PRKRIP1: variants seen among roughly 807,000 people sequenced by gnomAD.
PRKRIP1 encodes PRKR interacting protein 1.
PRKRIP1 carries 29 observed loss-of-function variants against 29.3 expected under a neutral mutation model. The ratio of observed to expected loss-of-function variants is 0.99; its 90% confidence interval spans 0.74 to 1.35. The LOEUF (loss-of-function observed/expected upper bound fraction) is 1.35, where lower values mean the gene tolerates loss of function less well. PRKRIP1 is among the 40% of genes most tolerant of loss of function. The pLI, the probability that PRKRIP1 is intolerant of heterozygous loss-of-function variation, is 0.00. For missense variants in PRKRIP1, 247 were observed against 236.8 expected (o/e 1.04, Z -0.28); for synonymous variants, 90 against 85.1 (o/e 1.06, Z -0.32).
chr7:102,401,119 G>A (rs1563612648), intron 3 of PRKRIP1, among the ~76,000 whole-genome samples: 1 of 152,102 alleles, frequency 6.6e-6, no homozygotes, highest in African/African-American at 2.4e-5. Context: ...GTAGAGCTCT[G>A]GAAGGGAGGA....
chr7:102,421,077 A>G (rs1190926817), intron 5 of PRKRIP1, among the ~76,000 whole-genome samples: 1 of 152,200 alleles, frequency 6.6e-6, no homozygotes, highest in Non-Finnish European at 1.5e-5. Flanking sequence ...GATAATGTTG[A>G]AAACATCAAA....
chr7:102,422,275 A>T (rs1337526180), intron 5 of PRKRIP1, among the ~76,000 whole-genome samples: 1 of 150,544 alleles, frequency 6.6e-6, no homozygotes, highest in African/African-American at 2.4e-5. Context: ...CCCGGGTTCA[A>T]GCGATTCTCC....
At chr7:102,413,399 T>C (rs1414125623) in intron 5 of PRKRIP1, among the ~76,000 whole-genome samples, 1 of 152,198 alleles carries the variant, frequency 6.6e-6, no homozygotes, top group Non-Finnish European at 1.5e-5. Context: ...GTCCTTTGTG[T>C]CTTTGGAAAA....
At chr7:102,408,900 G>A (rs1279667798) in intron 5 of PRKRIP1, among the ~76,000 whole-genome samples, 5 of 152,222 alleles carry the variant, frequency 3.3e-5, no homozygotes, top group Middle Eastern at 6.8e-3. Flanking sequence ...CAGGCCAGGC[G>A]TGGTGGCTCA....
At chr7:102,414,641 T>G (rs1414109163) in intron 5 of PRKRIP1, among the ~76,000 whole-genome samples, 2 of 152,174 alleles carry the variant, frequency 1.3e-5, no homozygotes, top group Admixed American at 1.3e-4. Flanking sequence ...CTCAGCACTT[T>G]GGGAGGCCAA....
chr7:102,409,500 G>C (rs1796319922), intron 5 of PRKRIP1, among the ~76,000 whole-genome samples: 2 of 151,982 alleles, frequency 1.3e-5, no homozygotes. Context: ...ACCAGCCTGG[G>C]CAGCATAGTA....
intron 5 of PRKRIP1, among the ~76,000 whole-genome samples, chr7:102,413,860 A>C (rs1487479247): frequency 6.6e-6 from 1 of 152,198 alleles, no homozygotes; most frequent in African/African-American, 2.4e-5. Flanking sequence ...CATTTTACCC[A>C]GTATGCCTGT....
intron 5 of PRKRIP1, among the ~76,000 whole-genome samples, chr7:102,408,107 G>A (rs141722304): frequency 1.3e-3 from 205 of 152,216 alleles, no homozygotes; most frequent in African/African-American, 4.6e-3. Context: ...TCCCCCGCAC[G>A]TTCCCTGGCC....
intron 5 of PRKRIP1, among the ~76,000 whole-genome samples, chr7:102,420,658 G>A (rs900651531): frequency 2.0e-5 from 3 of 152,112 alleles, no homozygotes; most frequent in Non-Finnish European, 4.4e-5. Context: ...CTGACAGTGG[G>A]TCTTCCACAC....
intron 4 of PRKRIP1, among the ~76,000 whole-genome samples, chr7:102,407,022 G>A (rs987934964): frequency 6.6e-6 from 1 of 151,972 alleles, no homozygotes. Context: ...AGACCATCCT[G>A]GCTAACACAG....
At chr7:102,410,290 C>T (rs186037166) in intron 5 of PRKRIP1, among the ~76,000 whole-genome samples, 2 of 152,272 alleles carry the variant, frequency 1.3e-5, no homozygotes, top group East Asian at 1.9e-4. Context: ...TGGTCAGTTT[C>T]TTGTTTGTGT....
At chr7:102,396,893 C>T (rs1795916627) in intron 1 of PRKRIP1, among the ~76,000 whole-genome samples, 1 of 152,138 alleles carries the variant, frequency 6.6e-6, no homozygotes. Context: ...GTTAGAGAGA[C>T]AGTGGCCGAG....
In PRKRIP1 at chr7:102,407,416, A is replaced by G. The variant is rs1554571990; in HGVS notation, c.393-18A>G. 16 of 1,532,096 alleles carry G rather than the reference A, an allele frequency of 1.0e-5. No homozygotes were observed. Among genetic ancestry groups the G allele is most frequent in the Non-Finnish European group, 1.4e-5 (15 of 1,105,518 alleles). The allele number at this position is 1,532,096 out of a possible 1,614,324, so 94.9% of individuals were successfully genotyped here. A position where few individuals can be genotyped will look rare whatever the true frequency, so the allele number is the denominator to read the frequency against. ...TAATGTAGTTAAGGAATCAATGTATATGGTTTTACATTTTTAGCCAGAAGT... is the reference window on the plus strand; with the variant it reads ...TAATGTAGTTAAGGAATCAATGTATGTGGTTTTACATTTTTAGCCAGAAGT... On this transcript the variant is annotated intron_variant, in intron 4 of 5. Coordinates refer to ENST00000397912, the MANE Select transcript of PRKRIP1 (RefSeq NM_024653.4).
intron 4 of PRKRIP1, among the ~76,000 whole-genome samples, chr7:102,406,316 G>A (rs1030570979): frequency 6.6e-6 from 1 of 152,146 alleles, no homozygotes; most frequent in South Asian, 2.1e-4. Context: ...GCTTTGGAGC[G>A]GCTTCTTGGT....
rs1040119136 is a variant in PRKRIP1 at position 102,422,325 on chromosome 7, C to T, written c.458-2689C>T. On this transcript the variant is annotated intron_variant, in intron 5 of 5. Coordinates refer to ENST00000397912, the MANE Select transcript of PRKRIP1 (RefSeq NM_024653.4). ...AATTAGCTGGATGACAGGCGTGAGC[C>T]ACCATGCCTGGCTAATTTTTTTTTT... Among the ~76,000 whole-genome samples the T allele has an allele frequency of 3.0e-4, 46 of 151,458 alleles. 1 individual carries two copies. The highest frequency in any genetic ancestry group is 8.8e-5 in the Non-Finnish European group (6 of 67,902).
chr7:102,414,213 GAGATTCTGTCTCAAAAAA>G (rs1554572812), intron 5 of PRKRIP1, among the ~76,000 whole-genome samples: 3 of 151,670 alleles, frequency 2.0e-5, no homozygotes, highest in African/African-American at 7.3e-5. Context: ...GTGGCTGAGT[GAGATTCTGTCTCAAAAAA>G]AGAAAGAAAA....
intron 4 of PRKRIP1, chr7:102,405,666 C>T (rs1796195956): frequency 6.3e-6 from 1 of 157,546 alleles, no homozygotes. Flanking sequence ...TGCCTCAGGG[C>T]TCCCTGGGAT....
chr7:102,424,341 G>A (rs1796780045), intron 5 of PRKRIP1, among the ~76,000 whole-genome samples: 1 of 152,270 alleles, frequency 6.6e-6, no homozygotes, highest in Non-Finnish European at 1.5e-5. Context: ...CCGGCGTCCT[G>A]GCATGGCTGA....
intron 5 of PRKRIP1, among the ~76,000 whole-genome samples, chr7:102,424,083 G>A: frequency 6.6e-6 from 1 of 152,280 alleles, no homozygotes; most frequent in East Asian, 1.9e-4. Context: ...TGCGTGTTCT[G>A]TGTTCTTTCT....
Sources: allele counts gnomAD v4.1 joint callset (sites outside exome capture counted in the v4.1 genomes callset), GRCh38; gene constraint gnomAD v4.1.1; transcripts MANE v1.5; gene names NCBI Gene and HGNC (gene_info 2026-07-23, HGNC 2026-07-21).